Variants in TAOK2 observed in about 807,000 individuals in gnomAD.
TAOK2 encodes the protein serine/threonine-protein kinase TAO2.
In TAOK2, 42 loss-of-function variants were observed where a neutral mutation model predicts 122.5. The ratio of observed to expected loss-of-function variants is 0.34; its 90% CI spans 0.27 to 0.44. The LOEUF (loss-of-function observed/expected upper bound fraction) is 0.44, where lower values mean the gene tolerates loss of function less well. TAOK2 is among the 20% of genes least tolerant of loss of function. TAOK2 has a pLI of 1.00. For missense variants in TAOK2, 1,264 were observed against 1,644.9 expected, an observed-to-expected ratio of 0.77 and a Z score of 4.01; for synonymous variants, 704 against 677.6, an observed-to-expected ratio of 1.04 and a Z score of -0.61.
downstream of TAOK2, chr16:29,990,111 G>A (rs763778687): frequency 5.0e-4 from 158 of 318,916 alleles, no homozygotes; most frequent in Non-Finnish European, 5.2e-4. Flanking sequence ...TAAACAGGGT[G>A]CAGATTAAAG....
Position 29,977,788 on chromosome 16 carries a change from C to T in TAOK2, c.16C>T (p.Arg6Trp), listed in dbSNP as rs146116179. 9.3e-6 allele frequency: 15 copies of T among 1,613,946 alleles called. No homozygotes were observed. The highest frequency in any genetic ancestry group is 2.2e-5 in the East Asian group (1 of 44,886). Residue 6 changes from arginine (R) to tryptophan (W), a missense_variant, in exon 2 of 16, where the codon CGG (arginine) becomes TGG (tryptophan). By Grantham distance (101) the Arg-to-Trp change is moderately radical. Around this residue, in one of 4 missense-constraint regions of TAOK2, gnomAD observed 254 missense variants for 503.8 expected, o/e 0.50. Transcript: ENST00000308893. Reference protein sequence around the residue: MPAGGRAGSLKDPDVA... With the variant: MPAGGWAGSLKDPDVA... ...AGGGGCCACCATGCCAGCTGGGGGC[C>T]GGGCCGGGAGCCTGAAGGACCCAGA...
At chr16:29,983,417 C>T (rs995792749) in intron 12 of TAOK2, 85 bp downstream of exon 12, 2 of 1,561,306 alleles carry the variant, frequency 1.3e-6, no homozygotes, top group Admixed American at 3.5e-5. Flanking sequence ...TGCAGCACTC[C>T]TCTGAGTCTG....
At chr16:29,983,449 C>G in intron 12 of TAOK2, 54 bp from the exon 13 acceptor site, 1 of 1,573,216 alleles carries the variant, frequency 6.4e-7, no homozygotes. Flanking sequence ...TCAGGTAGCT[C>G]TCTTTGGACC....
At chr16:29,988,820 C>G, downstream of TAOK2, 1 of 985,384 alleles carries the variant, frequency 1.0e-6, no homozygotes, top group Non-Finnish European at 1.2e-6. Context: ...TGGGGGCAAC[C>G]AGGCGGAGTA....
intron 4 of TAOK2, 24 bp from the exon 5 acceptor site, chr16:29,978,775 C>A: frequency 6.2e-7 from 1 of 1,614,002 alleles, no homozygotes; most frequent in Non-Finnish European, 8.5e-7. Context: ...AGACTCTGAT[C>A]TCTGACCCTT....
downstream of TAOK2, chr16:29,988,847 A>T: frequency 1.0e-6 from 1 of 985,306 alleles, no homozygotes; most frequent in Non-Finnish European, 1.2e-6. Context: ...CTGTGGCAGC[A>T]GGATTGAGTG....
Position 29,987,522 on chromosome 16 carries a change from C to A in TAOK2, c.3250C>A (p.Leu1084Ile). The change falls in exon 16 of 16, where the codon CTC (leucine) becomes ATC (isoleucine). Residue 1084 changes from leucine (L) to isoleucine (I), a missense_variant. Around this residue, in one of 4 missense-constraint regions of TAOK2, gnomAD observed 824 missense variants for 908.7 expected, o/e 0.91. Transcript: ENST00000308893. ...CCGGGTGCGCCGGGGCATATCTCGA[C>A]TCTGGTTGCGGGTTCTGCTGCGCCT... is the stretch of plus-strand genomic sequence containing the variant. ...GPRVRRGISRLWLRVLLRLSP... is the reference protein window; with the variant it reads ...GPRVRRGISRIWLRVLLRLSP... The A allele has an allele frequency of 6.2e-7, 1 of 1,609,784 alleles. No individual in the cohort carries two copies. Among genetic ancestry groups the A allele is most frequent in the South Asian group, 1.1e-5 (1 of 90,654 alleles).
chr16:29,991,010 C>G (rs1487397084), downstream of TAOK2: 1 of 1,586,030 alleles, frequency 6.3e-7, no homozygotes. This position sits in a 1 kb window ranked among gnomAD's most constrained non-coding sequence, Gnocchi z 5.6. Context: ...GGGTGGGCTC[C>G]TGCCCCCGAC....
downstream of TAOK2, chr16:29,989,171 T>G (rs2069905832): frequency 1.0e-6 from 1 of 985,250 alleles, no homozygotes; most frequent in South Asian, 4.7e-5. Flanking sequence ...GTTCTCATAT[T>G]TGCTCACGTG....
intron 8 of TAOK2, 129 bp from the exon 9 acceptor site, chr16:29,981,532 G>T: frequency 1.2e-6 from 1 of 807,946 alleles, no homozygotes; most frequent in Middle Eastern, 2.2e-4. Flanking sequence ...AGGATGATGG[G>T]AACTTCTCAA....
chr16:29,985,250 C>T lies in TAOK2; in HGVS notation c.1460C>T (p.Ala487Val). 3 of 1,547,618 alleles carry T rather than the reference C, an allele frequency of 1.9e-6. No homozygotes were observed. Among genetic ancestry groups the T allele is most frequent in the African/African-American group, 2.7e-5 (2 of 73,232 alleles). Residue 487 changes from alanine to valine, a missense_variant, in exon 14 of 16, where the codon GCG becomes GTG. This residue lies in a region of TAOK2 where 64 missense variants were observed against 115.7 expected (regional missense o/e 0.55). Coordinates refer to ENST00000308893, the MANE Select transcript of TAOK2 (RefSeq NM_016151.4). This position sits in a 1 kb window ranked among gnomAD's most constrained non-coding sequence, Gnocchi z 6.9. ...ATCCAGGAGCATGAGCAGGACTCTG[C>T]GCTGCGGGAGCAGCTGAGCGGCTAT... ...RQIQEHEQDS[A>V]LREQLSGYKR...
At chr16:29,990,016 G>T (rs1271375755), downstream of TAOK2, 3 of 566,334 alleles carry the variant, frequency 5.3e-6, no homozygotes, top group East Asian at 9.2e-5. Flanking sequence ...TTAAGGTCTT[G>T]ACAAAGCCAT....
Position 29,983,526 on chromosome 16 carries a change from C to T in TAOK2, c.1284C>T (p.Asp428=), listed in dbSNP as rs763141970. ...AGGGCTCTGACAACCTATATGATGA[C>T]CCCTACCAGCCAGAGATAACCCCCA... ...RLPGSDNLYD[D]PYQPEITPSP... The change falls in exon 13 of 16, where the codon GAC becomes GAT. Residue 428 remains aspartate (D), a synonymous_variant. Transcript: ENST00000308893. 6.2e-7 allele frequency: 1 copy of T among 1,612,978 alleles called. No individual in the cohort carries two copies. The highest frequency in any genetic ancestry group is 8.5e-7 in the Non-Finnish European group (1 of 1,179,358).
chr16:29,978,655 C>T, intron 4 of TAOK2, 144 bp from the exon 5 acceptor site: 1 of 900,734 alleles, frequency 1.1e-6, no homozygotes, highest in Non-Finnish European at 1.8e-6. Flanking sequence ...TAGAAACTCT[C>T]CCACCACCCC....
In TAOK2 at chr16:29,987,306, C is replaced by T; in HGVS notation, c.3034C>T (p.Leu1012=). The change falls in exon 16 of 16, where the codon CTG becomes TTG. Residue 1012 remains leucine, a synonymous_variant. Coordinates refer to ENST00000308893, the MANE Select transcript of TAOK2 (RefSeq NM_016151.4). ...SYLLLCTALH[L]PSSLFLLLAQ... ...CCTGCTCCTTTGTACAGCCCTGCACCTGCCCTCCAGTCTTTTCCTACTCCT... is the reference window on the plus strand; with the variant it reads ...CCTGCTCCTTTGTACAGCCCTGCACTTGCCCTCCAGTCTTTTCCTACTCCT... 2 of 1,526,796 alleles carry T rather than the reference C, an allele frequency of 1.3e-6. No individual in the cohort carries two copies. The highest frequency in any genetic ancestry group is 1.8e-4 in the Middle Eastern group (1 of 5,506). 94.6% of individuals were successfully genotyped at this position (1,526,796 alleles called of 1,614,324 possible).
chr16:29,974,907 G>T lies in TAOK2; in HGVS notation c.-36+259G>T, dbSNP rs746710654. ...GGCGTTCACACCCTAGGGTGCTTCA[G>T]CTAATCAGATGGATTTGCACTTCAG... On this transcript the variant is annotated intron_variant, in intron 1 of 15. Transcript: ENST00000308893. Among the ~76,000 whole-genome samples the T allele has an allele frequency of 3.3e-5, 5 of 152,240 alleles. No homozygotes were observed. The South Asian group carries it at 1.0e-3, about 32-fold the overall frequency.
At chr16:29,982,037 C>A in intron 10 of TAOK2, 97 bp downstream of exon 10, 3 of 1,039,318 alleles carry the variant, frequency 2.9e-6, no homozygotes, top group Non-Finnish European at 2.9e-6. Flanking sequence ...CCTCCTCCAC[C>A]AAGAGCTTCG....
At position 29,987,672 on chromosome 16, in the gene TAOK2, C is replaced by T. The variant is rs761228642; in HGVS notation, c.3400C>T (p.Arg1134Trp). Residue 1134 changes from arginine (R) to tryptophan (W), a missense_variant, in exon 16 of 16, where the codon CGG becomes TGG. This residue lies in a region of TAOK2 where 824 missense variants were observed against 908.7 expected (regional missense o/e 0.91). Coordinates refer to ENST00000308893, the MANE Select transcript of TAOK2 (RefSeq NM_016151.4). ...CCGCCTGCCCGTCCCTGGGCCCCGG[C>T]GGCGTAATCCCCGCACCACCCAACA... ...RSRLPVPGPR[R>W]RNPRTTQHPL... 2 of 1,613,866 alleles carry T rather than the reference C, an allele frequency of 1.2e-6. No homozygotes were observed.
At chr16:29,991,445 A>G, downstream of TAOK2, 1 of 1,511,556 alleles carries the variant, frequency 6.6e-7, no homozygotes, top group Non-Finnish European at 8.9e-7. The surrounding 1 kb of genome is among the most constrained non-coding windows in gnomAD (Gnocchi z 5.6). Context: ...TGCGGCGGGC[A>G]GCCTCGGGGG....
Sources: allele counts gnomAD v4.1 joint callset (sites outside exome capture counted in the v4.1 genomes callset), GRCh38; gene constraint gnomAD v4.1.1; regional missense constraint gnomAD v4.1.1; non-coding constraint Gnocchi (gnomAD v3.1); transcripts MANE v1.5; gene names NCBI Gene and HGNC (gene_info 2026-07-23, HGNC 2026-07-21).